PTK7: variants seen among roughly 807,000 people sequenced by gnomAD.
PTK7 encodes inactive tyrosine-protein kinase 7.
Under a neutral mutation model 116.6 loss-of-function variants are expected in PTK7, and 39 were observed. The ratio of observed to expected loss-of-function variants is 0.33; its 90% CI spans 0.26 to 0.44. The LOEUF (loss-of-function observed/expected upper bound fraction) is 0.44, where lower values mean the gene tolerates loss of function less well. PTK7 is among the 20% of genes least tolerant of loss of function. PTK7 has a pLI of 1.00. For missense variants in PTK7, 1,169 were observed against 1,425.6 expected, an observed-to-expected ratio of 0.82 and a Z score of 2.90; for synonymous variants, 546 against 563.6, an observed-to-expected ratio of 0.97 and a Z score of 0.44.
In PTK7 at chr6:43,083,295, T is replaced by A. The variant is rs888302721; in HGVS notation, c.79+6728T>A. Reference sequence around the variant, plus strand: ...TGGGGTTACAGGCTTGGGGCCACAGTTGCTGGCACTGGCCCTCACCTTGCC... The same window carrying A: ...TGGGGTTACAGGCTTGGGGCCACAGATGCTGGCACTGGCCCTCACCTTGCC... On this transcript the variant is annotated intron_variant, in intron 1 of 19. Coordinates refer to ENST00000230419, the MANE Select transcript of PTK7 (RefSeq NM_002821.5). Among the ~76,000 whole-genome samples, 9 of 152,340 alleles carry A rather than the reference T, an allele frequency of 5.9e-5. No individual in the cohort carries two copies. In the East Asian group the frequency reaches 1.7e-3, roughly 29 times the overall value.
At chr6:43,146,352 G>C (rs1770725136) in intron 16 of PTK7, among the ~76,000 whole-genome samples, 1 of 152,136 alleles carries the variant, frequency 6.6e-6, no homozygotes, top group Admixed American at 6.5e-5. Context: ...TGGGGGCTCT[G>C]TTGCCCCACC....
intron 1 of PTK7, among the ~76,000 whole-genome samples, chr6:43,126,099 C>G (rs915539242): frequency 1.3e-5 from 2 of 152,110 alleles, no homozygotes; most frequent in Admixed American, 6.5e-5. Context: ...GTGGGTGGAT[C>G]ACTTGAGGTC....
intron 7 of PTK7, among the ~76,000 whole-genome samples, chr6:43,137,837 C>T (rs1330761062): frequency 1.3e-5 from 2 of 152,082 alleles, no homozygotes; most frequent in Non-Finnish European, 2.9e-5. Flanking sequence ...GATGGAGTCT[C>T]ACTCTTTCGC....
intron 7 of PTK7, chr6:43,133,508 G>A (rs1769836762): frequency 6.6e-6 from 1 of 152,228 alleles, no homozygotes; most frequent in Non-Finnish European, 1.5e-5. Context: ...AGGAGGCAGA[G>A]GTTGCAATGA....
At chr6:43,128,510 C>T (rs965226580) in intron 1 of PTK7, among the ~76,000 whole-genome samples, 1 of 152,170 alleles carries the variant, frequency 6.6e-6, no homozygotes, top group African/African-American at 2.4e-5. Flanking sequence ...GGGGGCTGGG[C>T]GTGGTGGCTC....
intron 17 of PTK7, among the ~76,000 whole-genome samples, chr6:43,157,682 A>T (rs1483131382): frequency 6.6e-6 from 1 of 151,808 alleles, no homozygotes; most frequent in Non-Finnish European, 1.5e-5. Flanking sequence ...GATATTTGAG[A>T]CCAGCCTGGG....
intron 1 of PTK7, among the ~76,000 whole-genome samples, chr6:43,119,808 T>C (rs982889156): frequency 1.3e-5 from 2 of 152,136 alleles, no homozygotes; most frequent in African/African-American, 4.8e-5. Flanking sequence ...CCTCTCCTCT[T>C]GGGGCCAAGA....
At chr6:43,127,798 G>A (rs1408728193) in intron 1 of PTK7, among the ~76,000 whole-genome samples, 3 of 152,184 alleles carry the variant, frequency 2.0e-5, no homozygotes, top group South Asian at 2.1e-4. Flanking sequence ...GCGTGGTGGC[G>A]GGCACCTGTA....
At chr6:43,097,425 G>A (rs1470052417) in intron 1 of PTK7, among the ~76,000 whole-genome samples, 1 of 152,170 alleles carries the variant, frequency 6.6e-6, no homozygotes, top group Non-Finnish European at 1.5e-5. Flanking sequence ...CAAATTCCTG[G>A]AAGTGGAGTT....
At position 43,141,829 on chromosome 6, in the gene PTK7, G is replaced by A; in HGVS notation, c.1768+12G>A. 6.2e-7 allele frequency: 1 copy of A among 1,612,012 alleles called. No individual in the cohort carries two copies. The stretch of plus-strand genomic sequence containing the variant: ...GCTCACTGTGGCAGGTGCGACCGTG[G>A]CAGGGCCCTGGGGCTGGGAGGGCCC... On this transcript the variant is annotated intron_variant, in intron 11 of 19. Transcript: ENST00000230419. This position sits in a 1 kb window ranked among gnomAD's most constrained non-coding sequence, Gnocchi z 4.9.
chr6:43,126,472 CTT>C (rs1317428649), intron 1 of PTK7, among the ~76,000 whole-genome samples: 2 of 152,212 alleles, frequency 1.3e-5, no homozygotes, highest in African/African-American at 4.8e-5. Flanking sequence ...TCAGAGGTCA[CTT>C]TGGTTCAGGC....
In PTK7 at chr6:43,144,541, A is replaced by G; in HGVS notation, c.2342A>G (p.Lys781Arg). The change falls in exon 15 of 20, where the codon AAA becomes AGA. Residue 781 changes from lysine to arginine, a missense_variant. By Grantham distance (26) the Lys-to-Arg change is conservative. This residue lies in a region of PTK7 where 678 missense variants were observed against 853.8 expected (regional missense o/e 0.79). Coordinates refer to ENST00000230419, the MANE Select transcript of PTK7 (RefSeq NM_002821.5). ...GGCTCCGGCCCCGCGGCCACCAACA[A>G]ACGCCACAGCACAAGTGATAAGATG... ...SLGSGPAATN[K>R]RHSTSDKMHF... 1 of 1,614,176 alleles carries G rather than the reference A, an allele frequency of 6.2e-7. No homozygotes were observed. Among genetic ancestry groups the G allele is most frequent in the Non-Finnish European group, 8.5e-7 (1 of 1,180,028 alleles).
chr6:43,089,670 C>G (rs938496609), intron 1 of PTK7, among the ~76,000 whole-genome samples: 1 of 152,200 alleles, frequency 6.6e-6, no homozygotes, highest in Non-Finnish European at 1.5e-5. Flanking sequence ...TTTCTGCCCA[C>G]GATCTGAGCT....
intron 19 of PTK7, among the ~76,000 whole-genome samples, chr6:43,160,240 C>G (rs532053155): frequency 2.0e-3 from 312 of 152,268 alleles, no homozygotes; most frequent in African/African-American, 6.8e-3. Context: ...CTTAGACTCC[C>G]TAGTAGCTGG....
rs116421501 is a variant in PTK7, at chr6:43,160,551, G to A, written c.3053-170G>A. Among the ~76,000 whole-genome samples the A allele has an allele frequency of 7.4e-3, 1,127 of 152,344 alleles. 10 individuals are homozygous for A. Among genetic ancestry groups the A allele is most frequent in the African/African-American group, 0.026 (1,069 of 41,582 alleles). ...GACCCCGTCCTACCAGCCAGAGTGAGTGGGGCCAGGGGAGTCATCTTTTTC... is the reference window on the plus strand; with the variant it reads ...GACCCCGTCCTACCAGCCAGAGTGAATGGGGCCAGGGGAGTCATCTTTTTC... On this transcript the variant is annotated intron_variant, in intron 19 of 19. Transcript: ENST00000230419.
chr6:43,130,398 G>T lies in PTK7; in HGVS notation c.639G>T (p.Gln213His). 6.2e-7 allele frequency: 1 copy of T among 1,607,960 alleles called. No homozygotes were observed. ...HSAFGQACSS[Q>H]NFTLSIADES... Reference sequence around the variant, plus strand: ...CTTTTGGCCAGGCTTGCAGCAGCCAGAACTTCACCTTGAGCATTGCTGGTG... The same window carrying T: ...CTTTTGGCCAGGCTTGCAGCAGCCATAACTTCACCTTGAGCATTGCTGGTG... Residue 213 changes from glutamine (Q) to histidine (H), a missense_variant, in exon 4 of 20, where the codon CAG (glutamine) becomes CAT (histidine). Physicochemically the swap from Gln to His is conservative, Grantham distance 24. Transcript: ENST00000230419.
chr6:43,117,031 C>T (rs1369285069), intron 1 of PTK7, among the ~76,000 whole-genome samples: 2 of 151,938 alleles, frequency 1.3e-5, no homozygotes, highest in Non-Finnish European at 2.9e-5. Flanking sequence ...ACCATGTTGC[C>T]CAGGCTGGTC....
intron 17 of PTK7, among the ~76,000 whole-genome samples, chr6:43,149,229 G>C (rs1247287598): frequency 1.3e-5 from 2 of 150,330 alleles, no homozygotes; most frequent in Non-Finnish European, 3.0e-5. Flanking sequence ...AAAAGTACCT[G>C]GGCATGGTGT....
chr6:43,139,050 C>T lies in PTK7; in HGVS notation c.1362+68C>T, dbSNP rs962489426. The T allele has an allele frequency of 4.4e-6, 7 of 1,607,900 alleles. No individual in the cohort carries two copies. The African/African-American group carries it at 9.4e-5, about 21-fold the overall frequency. On this transcript the variant is annotated intron_variant, in intron 8 of 19. Coordinates refer to ENST00000230419, the MANE Select transcript of PTK7 (RefSeq NM_002821.5). The surrounding 1 kb of genome is among the most constrained non-coding windows in gnomAD (Gnocchi z 4.6). ...CTCCACTTGCCCTCTTCTGTGCTCA[C>T]CTCCATAGCACTCTTACCCTGGAGG...
Sources: gnomAD v4.1 joint callset for allele counts (sites outside exome capture counted in the v4.1 genomes callset) on GRCh38, gnomAD v4.1.1 for gene constraint, gnomAD v4.1.1 regional missense constraint, Gnocchi (gnomAD v3.1) non-coding constraint, MANE v1.5 for transcripts, NCBI Gene and HGNC (gene_info 2026-07-23, HGNC 2026-07-21) for gene names.